Variants in DPP6 observed in about 807,000 individuals in gnomAD.
DPP6 encodes dipeptidyl peptidase like 6.
In DPP6, 69 loss-of-function variants were observed where a neutral mutation model predicts 122.6. The observed-to-expected ratio is 0.56, with a 90% CI of 0.46 to 0.69. DPP6 has a LOEUF of 0.69. Among genes scored for constraint, DPP6 ranks in the 30% least tolerant of loss-of-function variants. The pLI is 0.00. For synonymous variants in DPP6, 418 were observed against 433.1 expected (o/e 0.97, Z 0.43); for missense variants, 928 against 1,116.9 (o/e 0.83, Z 2.41).
chr7:154,362,671 C>T (rs1283323888), intron 1 of DPP6, among the ~76,000 whole-genome samples: 2 of 151,888 alleles, frequency 1.3e-5, no homozygotes, highest in African/African-American at 4.8e-5. Context: ...GTGATCCACC[C>T]ACCTCAGCCT....
intron 4 of DPP6, 80 bp from the exon 5 acceptor site, chr7:154,566,762 C>A: frequency 1.3e-6 from 1 of 765,312 alleles, no homozygotes; most frequent in Middle Eastern, 2.8e-4. Context: ...GAAAATGGCA[C>A]CAGCAGATAC....
chr7:154,591,478 G>A (rs981114479), intron 5 of DPP6, among the ~76,000 whole-genome samples: 2 of 152,134 alleles, frequency 1.3e-5, no homozygotes, highest in Non-Finnish European at 2.9e-5. Context: ...GGATAATTAT[G>A]GTAGTGATAA....
intron 1 of DPP6, among the ~76,000 whole-genome samples, chr7:153,899,553 C>T (rs770764717): frequency 6.6e-6 from 1 of 152,186 alleles, no homozygotes; most frequent in African/African-American, 2.4e-5. Flanking sequence ...TGTGGACTTA[C>T]TTGAAAAACT....
intron 1 of DPP6, among the ~76,000 whole-genome samples, chr7:154,259,807 A>G (rs779652337): frequency 2.0e-5 from 3 of 152,178 alleles, no homozygotes; most frequent in Non-Finnish European, 4.4e-5. Flanking sequence ...TTGTATGCCA[A>G]ACGCGTTCAC....
At chr7:153,939,540 GA>G (rs35474316) in intron 1 of DPP6, among the ~76,000 whole-genome samples, 4 of 151,832 alleles carry the variant, frequency 2.6e-5, no homozygotes, top group Non-Finnish European at 1.5e-5. Context: ...TGAGGAGTCT[GA>G]AAAAAAAGGA....
chr7:154,031,752 T>G (rs1160563965), intron 1 of DPP6, among the ~76,000 whole-genome samples: 2 of 152,094 alleles, frequency 1.3e-5, no homozygotes, highest in Non-Finnish European at 2.9e-5. Context: ...AATCTAGCAT[T>G]TCTGGAGTCC....
the DPP6 span, among the ~76,000 whole-genome samples, chr7:153,841,582 C>T: frequency 6.6e-6 from 1 of 152,130 alleles, no homozygotes; most frequent in Non-Finnish European, 1.5e-5. Flanking sequence ...TTGAGTCAAA[C>T]GAGTTTGCAA....
chr7:154,845,640 T>C (rs1456868243), intron 16 of DPP6, among the ~76,000 whole-genome samples: 2 of 152,202 alleles, frequency 1.3e-5, no homozygotes, highest in Non-Finnish European at 2.9e-5. Flanking sequence ...TGTGCACATG[T>C]ACCCTAGAAC....
At chr7:154,788,842 T>C (rs1429157341) in intron 10 of DPP6, among the ~76,000 whole-genome samples, 1 of 152,194 alleles carries the variant, frequency 6.6e-6, no homozygotes, top group Admixed American at 6.5e-5. Flanking sequence ...CTCATCTTCT[T>C]CTTTACACCT....
chr7:154,142,664 T>G (rs543187522), intron 1 of DPP6, among the ~76,000 whole-genome samples: 5 of 152,336 alleles, frequency 3.3e-5, no homozygotes, highest in African/African-American at 1.2e-4. Flanking sequence ...CCATTGTGAT[T>G]ATTCTTTTAG....
Position 154,705,715 on chromosome 7 carries a change from G to A in DPP6, c.763-22052G>A, listed in dbSNP as rs3807250. On this transcript the variant is annotated intron_variant, in intron 7 of 25. Transcript: ENST00000377770. ...GAGTCACAGGCATAGGGGAGAGATGGCCTCAAACTAGGCAAACAAAAAGTG... is the reference window on the plus strand; with the variant it reads ...GAGTCACAGGCATAGGGGAGAGATGACCTCAAACTAGGCAAACAAAAAGTG... 0.02 allele frequency among the ~76,000 whole-genome samples: 2,975 copies of A among 152,342 alleles called. 214 individuals carry two copies. In the East Asian group the frequency reaches 0.23, roughly 12 times the overall value.
chr7:154,711,433 ATAAC>A (rs1356482212), intron 7 of DPP6, among the ~76,000 whole-genome samples: 3 of 152,366 alleles, frequency 2.0e-5, no homozygotes, highest in African/African-American at 7.2e-5. Flanking sequence ...GTTTGGTAAT[ATAAC>A]TAATTAATTT....
chr7:154,751,888 G>T lies in DPP6; in HGVS notation c.884-17529G>T, dbSNP rs566240936. 5.3e-5 allele frequency among the ~76,000 whole-genome samples: 8 copies of T among 152,258 alleles called. 1 individual carries two copies. Among genetic ancestry groups the T allele is most frequent in the African/African-American group, 1.9e-4 (8 of 41,540 alleles). ...TGATGCTGGGGGAGGGGAAGGAGGA[G>T]CTGGAGACAGGGCAAGTCCTGGTAG... On this transcript the variant is annotated intron_variant, in intron 8 of 25. Transcript: ENST00000377770.
intron 1 of DPP6, among the ~76,000 whole-genome samples, chr7:153,932,566 C>T (rs1801222609): frequency 6.6e-6 from 1 of 152,144 alleles, no homozygotes; most frequent in African/African-American, 2.4e-5. Flanking sequence ...TGTCTTCTCT[C>T]ATGTGTGGCA....
rs1734751237 is a variant in DPP6, at chr7:154,606,553, CAT to C, written c.628-31265_628-31264del. Among the ~76,000 whole-genome samples, 2 of 120,576 alleles carry C rather than the reference CAT, an allele frequency of 1.7e-5. 1 individual carries two copies. The highest frequency in any genetic ancestry group is 3.7e-5 in the Non-Finnish European group (2 of 53,600). 79.1% of individuals were successfully genotyped at this position (120,576 alleles called of 152,430 possible). On this transcript the variant is annotated intron_variant, in intron 5 of 25. Coordinates refer to ENST00000377770, the MANE Select transcript of DPP6 (RefSeq NM_130797.4). Reference sequence around the variant, plus strand: ...ATTTAATTATGTCCTTCCTGAATTGCATATGTTTTTAAACATCTAACTTAAAG... The same window carrying C: ...ATTTAATTATGTCCTTCCTGAATTGCATGTTTTTAAACATCTAACTTAAAG...
At chr7:154,765,770 A>C (rs944712175) in intron 8 of DPP6, among the ~76,000 whole-genome samples, 1 of 152,148 alleles carries the variant, frequency 6.6e-6, no homozygotes, top group Non-Finnish European at 1.5e-5. Context: ...GGTGAAGAAA[A>C]GATGTATTCT....
At chr7:154,079,884 T>A (rs1285450956) in intron 1 of DPP6, among the ~76,000 whole-genome samples, 1 of 151,632 alleles carries the variant, frequency 6.6e-6, no homozygotes, top group Non-Finnish European at 1.5e-5. Flanking sequence ...GAATTTGTGT[T>A]GCAAACACAA....
At chr7:154,650,681 C>G (rs891158136) in intron 6 of DPP6, among the ~76,000 whole-genome samples, 2 of 152,162 alleles carry the variant, frequency 1.3e-5, no homozygotes, top group African/African-American at 4.8e-5. Flanking sequence ...ACCAGGATGT[C>G]AGACACCCAA....
At chr7:154,625,425 G>T (rs1835003172) in intron 5 of DPP6, among the ~76,000 whole-genome samples, 1 of 152,140 alleles carries the variant, frequency 6.6e-6, no homozygotes, top group South Asian at 2.1e-4. Context: ...TGAAGGATAA[G>T]TTTAGACACA....
Sources: gnomAD v4.1 joint callset for allele counts (sites outside exome capture counted in the v4.1 genomes callset) on GRCh38, gnomAD v4.1.1 for gene constraint, MANE v1.5 for transcripts, NCBI Gene and HGNC (gene_info 2026-07-23, HGNC 2026-07-21) for gene names.